Variants in TOX observed in about 807,000 individuals in gnomAD.
TOX encodes thymocyte selection associated high mobility group box.
In TOX, 11 loss-of-function variants were observed where a neutral mutation model predicts 53.7. The observed-to-expected ratio is 0.20, with a 90% CI of 0.13 to 0.34. The LOEUF (loss-of-function observed/expected upper bound fraction) is 0.34. TOX is among the 10% of genes least tolerant of loss of function. TOX has a pLI of 1.00. For synonymous variants in TOX, 225 were observed against 245.3 expected (o/e 0.92, Z 0.77); for missense variants, 570 against 664.6 (o/e 0.86, Z 1.56).
intron 5 of TOX, among the ~76,000 whole-genome samples, chr8:58,835,671 T>C (rs1370053920): frequency 7.9e-5 from 12 of 152,192 alleles, no homozygotes; most frequent in African/African-American, 1.4e-4. Flanking sequence ...GATTTATTTT[T>C]TAATATTGAC....
intron 4 of TOX, among the ~76,000 whole-genome samples, chr8:58,843,284 A>T (rs1171581165): frequency 6.6e-6 from 1 of 152,212 alleles, no homozygotes; most frequent in Non-Finnish European, 1.5e-5. Flanking sequence ...GATACACATA[A>T]AATATTCATT....
intron 3 of TOX, among the ~76,000 whole-genome samples, chr8:58,895,121 G>T (rs1811620847): frequency 6.6e-6 from 1 of 152,190 alleles, no homozygotes; most frequent in East Asian, 1.9e-4. Flanking sequence ...CGGGGAGGGG[G>T]AGGTTGCACT....
intron 3 of TOX, among the ~76,000 whole-genome samples, chr8:58,854,348 T>C (rs897770092): frequency 6.6e-6 from 1 of 152,180 alleles, no homozygotes; most frequent in African/African-American, 2.4e-5. Context: ...TTAATTTTCA[T>C]GTGGAGTTCC....
intron 3 of TOX, among the ~76,000 whole-genome samples, chr8:58,924,426 A>C (rs1048437291): frequency 6.6e-6 from 1 of 152,270 alleles, no homozygotes; most frequent in Non-Finnish European, 1.5e-5. Flanking sequence ...CTCAAAGCCA[A>C]GAACCCATAA....
At chr8:58,995,040 C>A (rs1813534860) in intron 1 of TOX, among the ~76,000 whole-genome samples, 1 of 152,190 alleles carries the variant, frequency 6.6e-6, no homozygotes, top group African/African-American at 2.4e-5. Flanking sequence ...ATGAGCTCAT[C>A]AGTGTCAATG....
intron 1 of TOX, among the ~76,000 whole-genome samples, chr8:58,997,692 T>G (rs1343829440): frequency 6.6e-6 from 1 of 152,232 alleles, no homozygotes; most frequent in African/African-American, 2.4e-5. Flanking sequence ...GAAACCAATA[T>G]TCTCTTAATA....
rs1403765470 is a variant in TOX, at chr8:59,092,293, TTA to T, written c.102+26591_102+26592del. ...TATATATATATATATTATATATACA[TTA>T]TATATATTATATATTATATATACAT... On this transcript the variant is annotated intron_variant, in intron 1 of 8. Transcript: ENST00000361421. 4.4e-5 allele frequency among the ~76,000 whole-genome samples: 5 copies of T among 113,520 alleles called. 2 individuals carry two copies. Among genetic ancestry groups the T allele is most frequent in the African/African-American group, 2.3e-4 (4 of 17,028 alleles). The allele number at this position is 113,520 out of a possible 152,430, so 74.5% of individuals were successfully genotyped here. A position where few individuals can be genotyped will look rare whatever the true frequency, so the allele number is the denominator to read the frequency against.
At chr8:58,979,614 C>A (rs892988376) in intron 1 of TOX, among the ~76,000 whole-genome samples, 14 of 152,120 alleles carry the variant, frequency 9.2e-5, no homozygotes, top group African/African-American at 3.1e-4. Context: ...TGCATTCAAG[C>A]TATATTTCTC....
intron 3 of TOX, among the ~76,000 whole-genome samples, chr8:58,915,059 G>A (rs1457789773): frequency 4.0e-5 from 6 of 148,432 alleles, no homozygotes; most frequent in South Asian, 4.3e-4. Context: ...CTACGCCCAC[G>A]GAATCTCGCT....
chr8:58,969,710 A>C (rs892533777), intron 1 of TOX, among the ~76,000 whole-genome samples: 4 of 152,202 alleles, frequency 2.6e-5, no homozygotes, highest in Non-Finnish European at 5.9e-5. Flanking sequence ...CTACACCGAG[A>C]TCATTCTCCA....
chr8:59,085,717 G>A (rs939463173), intron 1 of TOX, among the ~76,000 whole-genome samples: 5 of 152,240 alleles, frequency 3.3e-5, no homozygotes, highest in African/African-American at 1.2e-4. Context: ...TTTATTTTTG[G>A]TTCAAATGCA....
At position 59,119,010 on chromosome 8, in the gene TOX, CCTTTT is replaced by C. The variant is rs1458032573; in HGVS notation, c.-28_-24del. ...CATTTCACTCTCACATCAAGCAACT[CCTTTT>C]CTTTTTCCTTTTTTAAAAAAAAGTG... On this transcript the variant is annotated 5_prime_UTR_variant, in exon 1 of 9. Coordinates refer to ENST00000361421, the MANE Select transcript of TOX (RefSeq NM_014729.3). 1.6e-5 allele frequency: 25 copies of C among 1,532,102 alleles called. No individual in the cohort carries two copies. Among genetic ancestry groups the C allele is most frequent in the Non-Finnish European group, 2.2e-5 (25 of 1,112,052 alleles). 94.9% of individuals were successfully genotyped at this position (1,532,102 alleles called of 1,614,324 possible).
intron 3 of TOX, among the ~76,000 whole-genome samples, chr8:58,867,190 A>C (rs190476586): frequency 6.6e-6 from 1 of 152,226 alleles, no homozygotes; most frequent in Non-Finnish European, 1.5e-5. Flanking sequence ...AGAAGTCAGA[A>C]TCTTCTGGAA....
At chr8:59,115,520 A>G (rs1261106647) in intron 1 of TOX, among the ~76,000 whole-genome samples, 1 of 152,216 alleles carries the variant, frequency 6.6e-6, no homozygotes, top group Non-Finnish European at 1.5e-5. Flanking sequence ...ATTTAATCCA[A>G]TTTATTTTGG....
intron 1 of TOX, among the ~76,000 whole-genome samples, chr8:59,012,761 T>C (rs915140371): frequency 6.6e-6 from 1 of 152,042 alleles, no homozygotes; most frequent in Non-Finnish European, 1.5e-5. Flanking sequence ...AAAGTGACAA[T>C]TGCAGTGAGG....
chr8:58,883,534 T>C (rs924656288), intron 3 of TOX, among the ~76,000 whole-genome samples: 13 of 152,182 alleles, frequency 8.5e-5, no homozygotes, highest in Non-Finnish European at 1.5e-4. Flanking sequence ...ATTTTCTACA[T>C]TGACAAATAA....
intron 1 of TOX, among the ~76,000 whole-genome samples, chr8:59,015,967 C>T (rs1012280591): frequency 6.6e-6 from 1 of 152,052 alleles, no homozygotes; most frequent in African/African-American, 2.4e-5. Flanking sequence ...TTTCCCCCAG[C>T]TTTCAGTTTT....
intron 1 of TOX, among the ~76,000 whole-genome samples, chr8:59,045,157 T>G (rs962078866): frequency 6.6e-6 from 1 of 152,234 alleles, no homozygotes; most frequent in African/African-American, 2.4e-5. Flanking sequence ...ACTATTTACC[T>G]GTTCTTTTCT....
intron 3 of TOX, among the ~76,000 whole-genome samples, chr8:58,927,462 C>A (rs1812183189): frequency 6.6e-6 from 1 of 152,192 alleles, no homozygotes; most frequent in Non-Finnish European, 1.5e-5. Flanking sequence ...TCACCACCTG[C>A]CAGCTGTCCA....
Sources: allele counts gnomAD v4.1 joint callset (sites outside exome capture counted in the v4.1 genomes callset), GRCh38; gene constraint gnomAD v4.1.1; transcripts MANE v1.5; gene names NCBI Gene and HGNC (gene_info 2026-07-23, HGNC 2026-07-21).